Variants in AREL1 observed in about 807,000 individuals in gnomAD.
The protein encoded by AREL1 is apoptosis resistant E3 ubiquitin protein ligase 1.
A neutral mutation model predicts 99.0 loss-of-function variants in AREL1; 62 were observed. The observed-to-expected ratio is 0.63, with a 90% CI of 0.51 to 0.77. The LOEUF is 0.77. Ranked by LOEUF, AREL1 falls within the 30% of genes least tolerant of loss-of-function variation. The pLI, the probability that AREL1 is intolerant of heterozygous loss-of-function variation, is 0.00. For missense variants in AREL1, 879 were observed against 1,027.6 expected, an observed-to-expected ratio of 0.86 and a Z score of 1.98; for synonymous variants, 380 against 376.5, an observed-to-expected ratio of 1.01 and a Z score of -0.11.
At position 74,673,301 on chromosome 14, in the gene AREL1, C is replaced by T. The variant is rs1335058283; in HGVS notation, c.1159-83G>A. 6 of 1,394,214 alleles carry T rather than the reference C, an allele frequency of 4.3e-6. No individual in the cohort carries two copies. The East Asian group carries it at 1.4e-4, about 32-fold the overall frequency. 86.4% of individuals were successfully genotyped at this position (1,394,214 alleles called of 1,614,324 possible). ...TCCACAGCTCTATCCTGTGTACCAA[C>T]CAACAACAATAAGTTAGGCTTGTTT... is the stretch of plus-strand genomic sequence containing the variant. On this transcript the variant is annotated intron_variant, in intron 9 of 19. Transcript: ENST00000356357.
At chr14:74,690,753 TATAA>T in intron 2 of AREL1, among the ~76,000 whole-genome samples, 1 of 152,208 alleles carries the variant, frequency 6.6e-6, no homozygotes, top group East Asian at 1.9e-4. Flanking sequence ...CCTTGACCTT[TATAA>T]ATATGGCATA....
At chr14:74,696,213 A>T (rs557707654) in intron 1 of AREL1, among the ~76,000 whole-genome samples, 2 of 152,312 alleles carry the variant, frequency 1.3e-5, no homozygotes, top group Non-Finnish European at 1.5e-5. Context: ...CAACTACCTT[A>T]TATAAACAAA....
Position 74,683,469 on chromosome 14 carries a change from G to C in AREL1, c.308C>G (p.Ser103Cys), listed in dbSNP as rs1421876397. ...HRPVGLRVHISHVELAVEIPV... is the reference protein window; with the variant it reads ...HRPVGLRVHICHVELAVEIPV... ...AATTTCCACTGCTAGCTCGACATGA[G>C]AGATGTGAACTCTTAGTCCCACAGG... Residue 103 changes from serine (S) to cysteine (C), a missense_variant, in exon 5 of 20, where the codon TCT becomes TGT. Ser to Cys is a moderately radical substitution (Grantham distance 112). Coordinates refer to ENST00000356357, the MANE Select transcript of AREL1 (RefSeq NM_001039479.2). The C allele has an allele frequency of 1.9e-6, 3 of 1,613,998 alleles. No homozygotes were observed. In the Admixed American group the frequency reaches 5.0e-5, roughly 27 times the overall value.
chr14:74,662,450 CTT>C lies in AREL1; in HGVS notation c.*1268_*1269del, dbSNP rs1323517404. On this transcript the variant is annotated 3_prime_UTR_variant, in exon 20 of 20. Transcript: ENST00000356357. ...TTGGGAAGTCAATGAGATTTTGAAT[CTT>C]GAAATTATTTTCAATCAAACAGTAA... 2.3e-5 allele frequency: 9 copies of C among 397,732 alleles called. No homozygotes were observed. In the South Asian group the frequency reaches 1.1e-3, roughly 47 times the overall value. The allele number at this position is 397,732 out of a possible 1,614,324, so 24.6% of individuals were successfully genotyped here. A position where few individuals can be genotyped will look rare whatever the true frequency, so the allele number is the denominator to read the frequency against.
chr14:74,675,599 C>T (rs2089452248), intron 8 of AREL1, 100 bp downstream of exon 8: 1 of 1,471,870 alleles, frequency 6.8e-7, no homozygotes, highest in East Asian at 2.3e-5. Context: ...AACAATCTTG[C>T]CCTGATTCTC....
intron 15 of AREL1, among the ~76,000 whole-genome samples, 151 bp downstream of exon 15, chr14:74,669,495 GAGA>G (rs1203093177): frequency 3.9e-5 from 6 of 152,138 alleles, no homozygotes; most frequent in African/African-American, 1.4e-4. Flanking sequence ...TAACTAAAAT[GAGA>G]AGTTCACTTA....
At chr14:74,701,387 C>T (rs190508785) in intron 1 of AREL1, among the ~76,000 whole-genome samples, 11 of 152,098 alleles carry the variant, frequency 7.2e-5, no homozygotes, top group African/African-American at 1.9e-4. Context: ...TCACAAATCA[C>T]GGTGGAAGGT....
chr14:74,664,159 G>C, intron 18 of AREL1, 85 bp from the exon 19 acceptor site: 1 of 1,456,380 alleles, frequency 6.9e-7, no homozygotes, highest in Non-Finnish European at 9.3e-7. Flanking sequence ...ATACACTAAA[G>C]TGGGGCTGTG....
At chr14:74,681,418 C>T (rs2089624145) in intron 5 of AREL1, among the ~76,000 whole-genome samples, 1 of 140,076 alleles carries the variant, frequency 7.1e-6, no homozygotes, top group African/African-American at 2.7e-5. Flanking sequence ...ATATAATATT[C>T]TTCAAATGAC....
intron 2 of AREL1, among the ~76,000 whole-genome samples, chr14:74,688,139 C>T (rs369413261): frequency 2.1e-4 from 32 of 151,004 alleles, no homozygotes; most frequent in African/African-American, 7.8e-4. Context: ...CATTCTCCTG[C>T]CTCAGCCTCC....
chr14:74,677,173 C>T (rs528014636), intron 5 of AREL1, among the ~76,000 whole-genome samples: 1 of 151,790 alleles, frequency 6.6e-6, no homozygotes, highest in South Asian at 2.1e-4. Context: ...AGGTTTCCTC[C>T]CAATTCCTAG....
At chr14:74,664,448 CTTTTTTTTTT>C (rs56728679) in intron 18 of AREL1, among the ~76,000 whole-genome samples, 1 of 76,896 alleles carries the variant, frequency 1.3e-5, no homozygotes, top group Non-Finnish European at 2.4e-5. Flanking sequence ...CTTTTCCTTT[CTTTTTTTTTT>C]TTTTTTTTTT....
intron 1 of AREL1, among the ~76,000 whole-genome samples, chr14:74,692,736 C>A (rs1450247072): frequency 6.6e-6 from 1 of 152,166 alleles, no homozygotes; most frequent in African/African-American, 2.4e-5. Flanking sequence ...CAGGGTCTTT[C>A]TCCATCACCC....
At position 74,663,612 on chromosome 14, in the gene AREL1, A is replaced by G. The variant is rs1329990714; in HGVS notation, c.*108T>C. On this transcript the variant is annotated 3_prime_UTR_variant, in exon 20 of 20. Coordinates refer to ENST00000356357, the MANE Select transcript of AREL1 (RefSeq NM_001039479.2). ...CTCCAGACACAGGGGAGCATGCGGC[A>G]TCTTCTGGCTGATGGTTATGTGTGT... The G allele has an allele frequency of 6.1e-6, 7 of 1,150,568 alleles. No individual in the cohort carries two copies. Among genetic ancestry groups the G allele is most frequent in the African/African-American group, 3.0e-5 (2 of 66,060 alleles). 71.3% of individuals were successfully genotyped at this position (1,150,568 alleles called of 1,614,324 possible).
Position 74,670,827 on chromosome 14 carries a change from A to T in AREL1, c.1543T>A (p.Cys515Ser), listed in dbSNP as rs1422319764. 1 of 1,614,182 alleles carries T rather than the reference A, an allele frequency of 6.2e-7. No individual in the cohort carries two copies. Among genetic ancestry groups the T allele is most frequent in the South Asian group, 1.1e-5 (1 of 91,086 alleles). ...GPRREWFELI[C>S]KALFDTTNQL... ...TTGGTGGTATCAAATAGTGCTTTGC[A>T]GATTAGCTCAAACCATTCCCGGCGA... is the stretch of plus-strand genomic sequence containing the variant. Residue 515 changes from cysteine to serine, a missense_variant, in exon 13 of 20, where the codon TGC (cysteine) becomes AGC (serine). By Grantham distance (112) the Cys-to-Ser change is moderately radical (BLOSUM62 -1). Transcript: ENST00000356357.
intron 2 of AREL1, among the ~76,000 whole-genome samples, chr14:74,690,382 C>G (rs1440055205): frequency 6.6e-6 from 1 of 151,388 alleles, no homozygotes; most frequent in Non-Finnish European, 1.5e-5. Context: ...GCCTAAGGAT[C>G]AGGAATTTTC....
Position 74,662,744 on chromosome 14 carries a change from G to A in AREL1, c.*976C>T, listed in dbSNP as rs2139844109. ...TCTTAGTGCTGCCAGAGAACACCAA[G>A]CAGAGAGAGAATCAGGGATTGCTGG... On this transcript the variant is annotated 3_prime_UTR_variant, in exon 20 of 20. Transcript: ENST00000356357. 2 of 397,256 alleles carry A rather than the reference G, an allele frequency of 5.0e-6. No homozygotes were observed. Among genetic ancestry groups the A allele is most frequent in the Middle Eastern group, 6.3e-4 (1 of 1,582 alleles). The allele number at this position is 397,256 out of a possible 1,614,324, so 24.6% of individuals were successfully genotyped here.
In AREL1 at chr14:74,661,500, C is replaced by A; in HGVS notation, c.*2220G>T. 1 of 283,410 alleles carries A rather than the reference C, an allele frequency of 3.5e-6. No individual in the cohort carries two copies. 17.6% of individuals were successfully genotyped at this position (283,410 alleles called of 1,614,324 possible). A position where few individuals can be genotyped will look rare whatever the true frequency, so the allele number is the denominator to read the frequency against. On this transcript the variant is annotated 3_prime_UTR_variant, in exon 20 of 20. Transcript: ENST00000356357. ...CAAGGACATAAATAAAAGAACTGGC[C>A]AAAATAAGAAACACTAATAGAAAAT...
At chr14:74,685,507 C>T in intron 3 of AREL1, 93 bp downstream of exon 3, 1 of 1,432,984 alleles carries the variant, frequency 7.0e-7, no homozygotes, top group Non-Finnish European at 9.7e-7. Flanking sequence ...TTTTCAGCTC[C>T]ATTTTCAAAG....
Sources: gnomAD v4.1 joint callset for allele counts (sites outside exome capture counted in the v4.1 genomes callset) on GRCh38, gnomAD v4.1.1 for gene constraint, MANE v1.5 for transcripts, NCBI Gene and HGNC (gene_info 2026-07-23, HGNC 2026-07-21) for gene names.